The following ZYG11B variants were observed in gnomAD, a reference collection of about 807,000 sequenced individuals.
The protein encoded by ZYG11B is zyg-11 family member B, cell cycle regulator.
In ZYG11B, 36 loss-of-function variants were observed where a neutral mutation model predicts 82.4. The ratio of observed to expected loss-of-function variants is 0.44; its 90% CI spans 0.33 to 0.58. ZYG11B has a LOEUF of 0.58. ZYG11B is among the 20% of genes least tolerant of loss of function. The pLI is 0.02. For missense variants in ZYG11B, 552 were observed against 895.6 expected (o/e 0.62, Z 4.90); for synonymous variants, 303 against 312.8 (o/e 0.97, Z 0.33).
chr1:52,792,217 T>G (rs1161760923), intron 6 of ZYG11B, among the ~76,000 whole-genome samples: 2 of 152,174 alleles, frequency 1.3e-5, no homozygotes, highest in East Asian at 3.9e-4. Flanking sequence ...TTTAGTGGAT[T>G]GATTGATGGA....
chr1:52,768,305 A>G (rs954440069), intron 2 of ZYG11B, among the ~76,000 whole-genome samples: 4 of 152,010 alleles, frequency 2.6e-5, no homozygotes, highest in African/African-American at 7.2e-5. Context: ...AAAACCAGGA[A>G]CTTTTCTGCG....
chr1:52,762,388 T>G (rs943653027), intron 2 of ZYG11B, among the ~76,000 whole-genome samples: 1 of 152,106 alleles, frequency 6.6e-6, no homozygotes, highest in South Asian at 2.1e-4. Context: ...TTAAAATTTT[T>G]TGTAGAGGCA....
intron 5 of ZYG11B, among the ~76,000 whole-genome samples, chr1:52,787,116 C>T (rs187373540): frequency 6.6e-6 from 1 of 151,852 alleles, no homozygotes; most frequent in East Asian, 1.9e-4. Context: ...TTCACAGTAG[C>T]ACTGTGTAAC....
At position 52,819,975 on chromosome 1, in the gene ZYG11B, C is replaced by T. The variant is rs191461171; in HGVS notation, c.2045-1464C>T. Reference sequence around the variant, plus strand: ...TGTCGTCCAGGCTAGAGTGCAGTGGCATGATCTCGGCTCACTGCAAGCTCC... The same window carrying T: ...TGTCGTCCAGGCTAGAGTGCAGTGGTATGATCTCGGCTCACTGCAAGCTCC... On this transcript the variant is annotated intron_variant, in intron 13 of 13. Transcript: ENST00000294353. 1.4e-3 allele frequency among the ~76,000 whole-genome samples: 215 copies of T among 150,764 alleles called. 2 individuals are homozygous for T. Among genetic ancestry groups the T allele is most frequent in the African/African-American group, 4.9e-3 (202 of 41,002 alleles).
intron 7 of ZYG11B, 59 bp downstream of exon 7, chr1:52,796,450 GT>G: frequency 7.3e-7 from 1 of 1,371,074 alleles, no homozygotes; most frequent in Non-Finnish European, 1.0e-6. Context: ...TACATTTACT[GT>G]TTCCCCCCAA....
chr1:52,754,086 C>T (rs558353542), intron 1 of ZYG11B, among the ~76,000 whole-genome samples: 1 of 150,260 alleles, frequency 6.7e-6, no homozygotes, highest in Admixed American at 6.6e-5. Context: ...AGTGCAGTGG[C>T]ACCATCCTGC....
intron 2 of ZYG11B, among the ~76,000 whole-genome samples, chr1:52,762,967 G>A (rs1353986869): frequency 4.1e-5 from 5 of 122,732 alleles, no homozygotes; most frequent in Non-Finnish European, 8.0e-5. Flanking sequence ...TTTTGTAAAG[G>A]TGAGAGATTG....
chr1:52,756,730 C>A, intron 2 of ZYG11B, 107 bp downstream of exon 2: 1 of 1,037,940 alleles, frequency 9.6e-7, no homozygotes, highest in Non-Finnish European at 1.4e-6. Flanking sequence ...ACTGAGAAGG[C>A]CAAATGAGCC....
Position 52,826,112 on chromosome 1 carries a change from A to G in ZYG11B, c.*4483A>G, listed in dbSNP as rs980399028. On this transcript the variant is annotated 3_prime_UTR_variant, in exon 14 of 14. Transcript: ENST00000294353. ...TATTATACAATGTAGTGGTATAAAC[A>G]GTATTATTAAACTGAAGGCATAAGT... 1.3e-5 allele frequency: 2 copies of G among 152,218 alleles called. No homozygotes were observed. Among genetic ancestry groups the G allele is most frequent in the Non-Finnish European group, 2.9e-5 (2 of 68,036 alleles). 9.4% of individuals were successfully genotyped at this position (152,218 alleles called of 1,614,324 possible). A position where few individuals can be genotyped will look rare whatever the true frequency, so the allele number is the denominator to read the frequency against.
chr1:52,763,402 T>G (rs1644653287), intron 2 of ZYG11B, among the ~76,000 whole-genome samples: 1 of 152,206 alleles, frequency 6.6e-6, no homozygotes, highest in South Asian at 2.1e-4. Context: ...ATAAAAGCAG[T>G]TTCTTTTAGA....
At chr1:52,798,629 A>T (rs1204029896) in intron 8 of ZYG11B, among the ~76,000 whole-genome samples, 2 of 152,140 alleles carry the variant, frequency 1.3e-5, no homozygotes, top group African/African-American at 2.4e-5. Flanking sequence ...CAAAACACCT[A>T]TCTAATTCTA....
intron 2 of ZYG11B, among the ~76,000 whole-genome samples, chr1:52,766,464 C>G (rs971687724): frequency 1.3e-5 from 2 of 151,636 alleles, no homozygotes; most frequent in East Asian, 1.9e-4. Context: ...TTTTTTATGG[C>G]TCCTTTAAAA....
At chr1:52,808,532 T>G (rs1645159720) in intron 10 of ZYG11B, among the ~76,000 whole-genome samples, 1 of 152,160 alleles carries the variant, frequency 6.6e-6, no homozygotes, top group South Asian at 2.1e-4. Flanking sequence ...CATTATTTCT[T>G]TTTAAAATAT....
intron 10 of ZYG11B, among the ~76,000 whole-genome samples, chr1:52,810,751 T>G (rs1444501085): frequency 6.6e-6 from 1 of 152,102 alleles, no homozygotes; most frequent in Non-Finnish European, 1.5e-5. Flanking sequence ...AAACAAGAAA[T>G]TGGCTGGGCA....
intron 3 of ZYG11B, chr1:52,772,294 T>TC: frequency 7.4e-7 from 1 of 1,355,620 alleles, no homozygotes; most frequent in East Asian, 2.3e-5. Flanking sequence ...AATCTGGCTC[T>TC]CTATCAGAAT....
chr1:52,776,239 T>TTA (rs1463358489), intron 3 of ZYG11B, among the ~76,000 whole-genome samples: 2 of 60,008 alleles, frequency 3.3e-5, no homozygotes, highest in Non-Finnish European at 6.1e-5. Flanking sequence ...AATATATATA[T>TTA]ATATATGCAA....
intron 1 of ZYG11B, among the ~76,000 whole-genome samples, chr1:52,741,908 C>G (rs1234362156): frequency 1.3e-5 from 2 of 152,026 alleles, no homozygotes; most frequent in African/African-American, 4.8e-5. Flanking sequence ...CATTTTAATC[C>G]AGGCAGTCTG....
chr1:52,802,340 CTTTTTTTT>C (rs397980205), intron 10 of ZYG11B, among the ~76,000 whole-genome samples: 3 of 78,078 alleles, frequency 3.8e-5, no homozygotes, highest in South Asian at 4.7e-4. Flanking sequence ...TTCTTTCTCT[CTTTTTTTT>C]TTTTTTTTTT....
rs756327281 is a variant in ZYG11B at position 52,771,680 on chromosome 1, C to T, written c.857C>T (p.Ala286Val). The T allele has an allele frequency of 1.2e-6, 2 of 1,614,172 alleles. No homozygotes were observed. Among genetic ancestry groups the T allele is most frequent in the Non-Finnish European group, 1.7e-6 (2 of 1,180,022 alleles). Residue 286 changes from alanine to valine, a missense_variant, in exon 3 of 14, where the codon GCC becomes GTC. Physicochemically the swap from Ala to Val is moderately conservative, Grantham distance 64. Transcript: ENST00000294353. This position sits in a 1 kb window ranked among gnomAD's most constrained non-coding sequence, Gnocchi z 5.4. Reference protein sequence around the residue: ...RKHVTDKAVEAFIQQRPSMQF... With the variant: ...RKHVTDKAVEVFIQQRPSMQF... ...CACGTGACAGATAAAGCCGTTGAAG[C>T]CTTTATACAACAACGTCCAAGCATG...
Sources: allele counts gnomAD v4.1 joint callset (sites outside exome capture counted in the v4.1 genomes callset), GRCh38; gene constraint gnomAD v4.1.1; non-coding constraint Gnocchi (gnomAD v3.1); transcripts MANE v1.5; gene names NCBI Gene and HGNC (gene_info 2026-07-23, HGNC 2026-07-21).